The following MOSMO variants were observed in gnomAD, a reference collection of about 807,000 sequenced individuals.
MOSMO encodes the protein modulator of smoothened protein.
Under a neutral mutation model 18.4 loss-of-function variants are expected in MOSMO, and 5 were observed. The observed-to-expected ratio is 0.27, with a 90% CI of 0.14 to 0.57. MOSMO has a LOEUF of 0.57. Ranked by LOEUF, MOSMO falls within the 20% of genes least tolerant of loss-of-function variation. MOSMO has a pLI of 0.92. For synonymous variants in MOSMO, 82 were observed against 82.3 expected, an observed-to-expected ratio of 1.00 and a Z score of 0.02; for missense variants, 138 against 211.8, an observed-to-expected ratio of 0.65 and a Z score of 2.16.
chr16:22,091,854 T>A (rs1391844657), downstream of MOSMO, among the ~76,000 whole-genome samples: 1 of 152,200 alleles, frequency 6.6e-6, no homozygotes, highest in Non-Finnish European at 1.5e-5. Context: ...TCTTGACCAC[T>A]ATAAAAGAAG....
intron 1 of MOSMO, among the ~76,000 whole-genome samples, chr16:22,073,736 A>G (rs1002652970): frequency 1.3e-4 from 19 of 151,064 alleles, no homozygotes; most frequent in African/African-American, 4.4e-4. Context: ...TCTTTGGCCT[A>G]TGAAGTCAAT....
chr16:22,071,015 G>A (rs1161145527), intron 1 of MOSMO, among the ~76,000 whole-genome samples: 1 of 152,082 alleles, frequency 6.6e-6, no homozygotes. Context: ...ACTACCCCTC[G>A]CTCAAATACA....
chr16:22,075,583 C>T lies in MOSMO; in HGVS notation c.203C>T (p.Thr68Ile). 3 of 1,537,290 alleles carry T rather than the reference C, an allele frequency of 2.0e-6. No individual in the cohort carries two copies. The highest frequency in any genetic ancestry group is 1.2e-5 in the South Asian group (1 of 84,064). Reference protein sequence around the residue: ...PPRLPPEWVTTLFFIIMGIIS... With the variant: ...PPRLPPEWVTILFFIIMGIIS... The stretch of plus-strand genomic sequence containing the variant: ...CGGCTTCCCCCGGAGTGGGTCACCA[C>T]ACTGTTTTTTATCATCATGGGAATC... The change falls in exon 2 of 3, where the codon ACA (threonine) becomes ATA (isoleucine). Residue 68 changes from threonine (T) to isoleucine (I), a missense_variant. Physicochemically the swap from Thr to Ile is moderately conservative, Grantham distance 89. Coordinates refer to ENST00000542527, the MANE Select transcript of MOSMO (RefSeq NM_001164579.2).
At chr16:22,080,560 C>G in intron 2 of MOSMO, 136 bp from the exon 3 acceptor site, 1 of 531,256 alleles carries the variant, frequency 1.9e-6, no homozygotes, top group South Asian at 2.9e-5. Context: ...GAAATATATA[C>G]ACATTTTTAA....
At chr16:22,028,804 A>G (rs1449842334) in intron 1 of MOSMO, among the ~76,000 whole-genome samples, 1 of 151,376 alleles carries the variant, frequency 6.6e-6, no homozygotes, top group African/African-American at 2.4e-5. Flanking sequence ...ACCTTCCCTC[A>G]CTCCCATAGG....
chr16:22,011,933 A>T (rs931340348), intron 1 of MOSMO, among the ~76,000 whole-genome samples: 11 of 11,104 alleles, frequency 9.9e-4, no homozygotes, highest in Non-Finnish European at 1.6e-3. Context: ...GTCCTGAGTT[A>T]AAAAAAAAAA....
chr16:22,076,529 T>C lies in MOSMO; in HGVS notation c.319+830T>C, dbSNP rs145895619. ...AGAATTATCTGGTTCCAAGTAGCAG[T>C]AGAGCCACTGTTTAGAAATCCTGCT... On this transcript the variant is annotated intron_variant, in intron 2 of 2. Transcript: ENST00000542527. 5.3e-3 allele frequency among the ~76,000 whole-genome samples: 812 copies of C among 152,320 alleles called. 4 individuals are homozygous for C. Among genetic ancestry groups the C allele is most frequent in the Middle Eastern group, 0.01 (3 of 292 alleles).
intron 1 of MOSMO, among the ~76,000 whole-genome samples, chr16:22,053,176 A>G (rs1010530786): frequency 6.7e-6 from 1 of 149,464 alleles, no homozygotes; most frequent in African/African-American, 2.5e-5. Context: ...TTGGTCTGGC[A>G]TGTCTCCAAC....
At chr16:22,017,461 C>T (rs1422462497) in intron 1 of MOSMO, among the ~76,000 whole-genome samples, 3 of 151,914 alleles carry the variant, frequency 2.0e-5, no homozygotes, top group African/African-American at 4.8e-5. Flanking sequence ...ACCTTTTTTT[C>T]CAAGTACTTT....
intron 1 of MOSMO, among the ~76,000 whole-genome samples, chr16:22,042,048 T>G (rs1421155625): frequency 2.6e-5 from 4 of 152,138 alleles, no homozygotes; most frequent in Non-Finnish European, 5.9e-5. Context: ...TGTTCGGAAC[T>G]GAGTTTCCAG....
chr16:22,008,520 T>G (rs1597990481), intron 1 of MOSMO, 113 bp downstream of exon 1: 1 of 606,596 alleles, frequency 1.6e-6, no homozygotes, highest in East Asian at 4.6e-5. Context: ...GAGGCTAGCC[T>G]GAGGAGACCG....
intron 1 of MOSMO, among the ~76,000 whole-genome samples, chr16:22,052,386 G>A (rs927737983): frequency 2.6e-5 from 4 of 152,150 alleles, no homozygotes; most frequent in Non-Finnish European, 5.9e-5. Context: ...TAGAGCAAGT[G>A]GGACCCTTAT....
intron 1 of MOSMO, among the ~76,000 whole-genome samples, chr16:22,011,940 A>AG (rs1419154973): frequency 6.6e-6 from 1 of 151,376 alleles, no homozygotes; most frequent in Non-Finnish European, 1.5e-5. Context: ...GTTAAAAAAA[A>AG]AAAAAAAAAA....
At chr16:22,062,485 G>A (rs1900666827) in intron 1 of MOSMO, among the ~76,000 whole-genome samples, 2 of 152,106 alleles carry the variant, frequency 1.3e-5, no homozygotes, top group South Asian at 4.2e-4. Context: ...ACGATGCCCG[G>A]CTGATTTTTT....
chr16:22,077,745 A>C (rs1272907628), intron 2 of MOSMO, among the ~76,000 whole-genome samples: 4 of 152,016 alleles, frequency 2.6e-5, no homozygotes, highest in Non-Finnish European at 4.4e-5. Context: ...CTAGTCAAAC[A>C]GGTTAATGAG....
downstream of MOSMO, among the ~76,000 whole-genome samples, chr16:22,089,115 T>C (rs979340478): frequency 2.0e-5 from 3 of 152,178 alleles, no homozygotes; most frequent in Non-Finnish European, 4.4e-5. Flanking sequence ...GTTCACTGGT[T>C]TTTGGGTTTG....
intron 1 of MOSMO, among the ~76,000 whole-genome samples, chr16:22,034,115 A>T (rs1424705356): frequency 1.3e-5 from 2 of 152,228 alleles, no homozygotes. Flanking sequence ...AACAAGTAGT[A>T]CAATTACTTT....
intron 1 of MOSMO, among the ~76,000 whole-genome samples, chr16:22,055,322 C>T (rs1900511380): frequency 6.6e-6 from 1 of 152,168 alleles, no homozygotes; most frequent in Non-Finnish European, 1.5e-5. Flanking sequence ...CAACACACTG[C>T]TTCTGGGTAC....
At chr16:22,013,310 A>G (rs890118815) in intron 1 of MOSMO, among the ~76,000 whole-genome samples, 5 of 152,194 alleles carry the variant, frequency 3.3e-5, no homozygotes, top group African/African-American at 1.2e-4. Context: ...AAAATTCTTC[A>G]CTGAAGTATT....
Sources: allele counts gnomAD v4.1 joint callset (sites outside exome capture counted in the v4.1 genomes callset), GRCh38; gene constraint gnomAD v4.1.1; transcripts MANE v1.5; gene names NCBI Gene and HGNC (gene_info 2026-07-23, HGNC 2026-07-21).